The following NAALADL2 variants were observed in gnomAD, a reference collection of about 807,000 sequenced individuals.
The protein encoded by NAALADL2 is inactive N-acetylated-alpha-linked acidic dipeptidase-like protein 2.
In NAALADL2, 76 loss-of-function variants were observed where a neutral mutation model predicts 87.2. The ratio of observed to expected loss-of-function variants is 0.87; its 90% CI spans 0.72 to 1.05. The LOEUF (loss-of-function observed/expected upper bound fraction) is 1.05. Among genes scored for constraint, NAALADL2 ranks in the 50% least tolerant of loss-of-function variants. NAALADL2 has a pLI of 0.00. For synonymous variants in NAALADL2, 354 were observed against 331.0 expected, an observed-to-expected ratio of 1.07 and a Z score of -0.75; for missense variants, 1,089 against 945.8, an observed-to-expected ratio of 1.15 and a Z score of -1.99.
chr3:175,755,345 CGGATGCT>C lies in NAALADL2; in HGVS notation c.2118_2124del (p.Leu708ThrfsTer12). ...CAAGGAGAGAGCACCCATCCGCATC[CGGATGCT>C]GAATGACATTCTCCAAGACATGGAG... On this transcript the variant is annotated frameshift_variant, in exon 13 of 14. Coordinates refer to ENST00000454872, the MANE Select transcript of NAALADL2 (RefSeq NM_207015.3). LOFTEE classifies it high-confidence loss of function. 6.2e-7 allele frequency: 1 copy of C among 1,612,746 alleles called. No homozygotes were observed. Among genetic ancestry groups the C allele is most frequent in the Non-Finnish European group, 8.5e-7 (1 of 1,179,356 alleles).
intron 10 of NAALADL2, among the ~76,000 whole-genome samples, chr3:175,576,762 T>G (rs1718961710): frequency 6.6e-6 from 1 of 152,250 alleles, no homozygotes; most frequent in Admixed American, 6.5e-5. Context: ...GAATTGTGTC[T>G]CAGGAAACTG....
At chr3:175,059,561 A>G (rs750218640) in intron 1 of NAALADL2, 2 of 301,028 alleles carry the variant, frequency 6.6e-6, no homozygotes, top group Non-Finnish European at 1.3e-5. Flanking sequence ...ACATTCCTCT[A>G]GTTTTGCCAT....
At chr3:174,458,520 G>C (rs966955917) in intron 1 of NAALADL2, 1 of 151,972 alleles carries the variant, frequency 6.6e-6, no homozygotes, top group African/African-American at 2.4e-5. Context: ...ACAGTTTTCT[G>C]AAAGAAAAGA....
rs139115032 is a variant in NAALADL2, at chr3:174,610,523, C to T, written c.-115+59886C>T. 4.9e-3 allele frequency among the ~76,000 whole-genome samples: 749 copies of T among 152,266 alleles called. 5 individuals are homozygous for T. The highest frequency in any genetic ancestry group is 0.017 in the African/African-American group (711 of 41,536). The stretch of plus-strand genomic sequence containing the variant: ...GGGCGAAAGACATGAAAAGACTGTT[C>T]TGAAAAGAAGACATTTATGCAGCCA... On this transcript the variant is annotated intron_variant, in intron 2 of 3. Coordinates refer to the NAALADL2 transcript ENST00000434257.
intron 1 of NAALADL2, among the ~76,000 whole-genome samples, chr3:174,464,518 C>T (rs1559999374): frequency 6.6e-6 from 1 of 151,528 alleles, no homozygotes; most frequent in Non-Finnish European, 1.5e-5. Context: ...CATCACATAA[C>T]AGTGGTGGGA....
chr3:175,434,574 A>T (rs1426571535), intron 5 of NAALADL2, among the ~76,000 whole-genome samples: 1 of 152,106 alleles, frequency 6.6e-6, no homozygotes, highest in Non-Finnish European at 1.5e-5. Context: ...TCATTTAATC[A>T]GTCTCATAAA....
At chr3:174,888,449 A>G (rs1730470807) in intron 1 of NAALADL2, among the ~76,000 whole-genome samples, 1 of 152,216 alleles carries the variant, frequency 6.6e-6, no homozygotes, top group Admixed American at 6.5e-5. Context: ...AGCTGAAATA[A>G]TAGGCTCACT....
chr3:175,697,805 A>ATGTG, intron 11 of NAALADL2, among the ~76,000 whole-genome samples: 1 of 143,310 alleles, frequency 7.0e-6, no homozygotes, highest in South Asian at 2.2e-4. Context: ...ATATGTATAT[A>ATGTG]TATTTATGTA....
chr3:175,705,304 T>G (rs866196620), intron 11 of NAALADL2, among the ~76,000 whole-genome samples: 1 of 152,276 alleles, frequency 6.6e-6, no homozygotes, highest in Admixed American at 6.5e-5. Flanking sequence ...GATCTTCTCC[T>G]AAAACCCATC....
At chr3:175,530,924 C>T (rs1012450979) in intron 9 of NAALADL2, among the ~76,000 whole-genome samples, 3 of 152,114 alleles carry the variant, frequency 2.0e-5, no homozygotes, top group African/African-American at 7.2e-5. Context: ...CAGTAACAGG[C>T]CAAGAGCTGT....
chr3:174,701,841 G>A (rs1015134945), intron 2 of NAALADL2, among the ~76,000 whole-genome samples: 2 of 152,120 alleles, frequency 1.3e-5, no homozygotes, highest in African/African-American at 4.8e-5. Flanking sequence ...ATTCATTCAT[G>A]TGTCGGACAT....
chr3:175,255,607 G>T (rs765348817), intron 3 of NAALADL2, among the ~76,000 whole-genome samples: 1 of 152,040 alleles, frequency 6.6e-6, no homozygotes, highest in Non-Finnish European at 1.5e-5. Context: ...AAAATCAATC[G>T]TCTTGGCCCA....
chr3:175,463,089 G>T (rs568059970), intron 6 of NAALADL2, among the ~76,000 whole-genome samples: 2 of 152,110 alleles, frequency 1.3e-5, no homozygotes, highest in South Asian at 4.2e-4. Flanking sequence ...TCTCCTGAAG[G>T]TCTTCTCAAT....
chr3:175,288,078 A>G lies in NAALADL2; in HGVS notation c.939+31548A>G, dbSNP rs567317164. ...AATTCGTCAGGATTCAGACATGTCT[A>G]CATGTTTTTTTGTTTTTCTTGAGAC... On this transcript the variant is annotated intron_variant, in intron 4 of 13. Transcript: ENST00000454872. Among the ~76,000 whole-genome samples the G allele has an allele frequency of 1.8e-3, 279 of 152,224 alleles. 1 individual carries two copies. The highest frequency in any genetic ancestry group is 5.6e-3 in the African/African-American group (233 of 41,554).
chr3:175,249,233 A>C (rs1258751872), intron 3 of NAALADL2, among the ~76,000 whole-genome samples: 2 of 152,080 alleles, frequency 1.3e-5, no homozygotes, highest in African/African-American at 4.8e-5. Flanking sequence ...TTTTCTCCCA[A>C]ATTTTATTTA....
intron 9 of NAALADL2, among the ~76,000 whole-genome samples, chr3:175,505,255 C>A (rs1400265004): frequency 1.4e-5 from 2 of 139,018 alleles, no homozygotes; most frequent in Non-Finnish European, 3.0e-5. Flanking sequence ...CAAAGCAAGA[C>A]CCTGTCTCGA....
intron 11 of NAALADL2, among the ~76,000 whole-genome samples, chr3:175,642,587 A>G (rs1560902143): frequency 1.4e-5 from 2 of 146,332 alleles, no homozygotes; most frequent in East Asian, 2.0e-4. Flanking sequence ...TGCAAGCTCC[A>G]CCTTCTGGGT....
intron 13 of NAALADL2, among the ~76,000 whole-genome samples, chr3:175,758,848 T>A (rs1261381785): frequency 6.6e-6 from 1 of 152,094 alleles, no homozygotes; most frequent in African/African-American, 2.4e-5. Flanking sequence ...AATCTCACTC[T>A]CTAACCCACT....
chr3:174,827,215 C>G (rs1441363351), intron 3 of NAALADL2, among the ~76,000 whole-genome samples: 1 of 152,036 alleles, frequency 6.6e-6, no homozygotes, highest in Non-Finnish European at 1.5e-5. Context: ...TTAGTATGTA[C>G]TGGTATATTA....
Sources: gnomAD v4.1 joint callset for allele counts (sites outside exome capture counted in the v4.1 genomes callset) on GRCh38, gnomAD v4.1.1 for gene constraint, MANE v1.5 for transcripts, NCBI Gene and HGNC (gene_info 2026-07-23, HGNC 2026-07-21) for gene names.